Variants in SH3BP4 observed in about 807,000 individuals in gnomAD.
SH3BP4 encodes SH3 domain binding protein 4.
A neutral mutation model predicts 65.5 loss-of-function variants in SH3BP4; 33 were observed. The observed-to-expected ratio is 0.50, with a 90% CI of 0.38 to 0.67. The LOEUF (loss-of-function observed/expected upper bound fraction) is 0.67, where lower values mean the gene tolerates loss of function less well. Ranked by LOEUF, SH3BP4 falls within the 30% of genes least tolerant of loss-of-function variation. The pLI, the probability that SH3BP4 is intolerant of heterozygous loss-of-function variation, is 0.00. For missense variants in SH3BP4, 1,134 were observed against 1,261.4 expected, an observed-to-expected ratio of 0.90 and a Z score of 1.53; for synonymous variants, 552 against 545.5, an observed-to-expected ratio of 1.01 and a Z score of -0.17.
intron 2 of SH3BP4, among the ~76,000 whole-genome samples, chr2:235,025,745 G>A (rs986112258): frequency 6.6e-6 from 1 of 152,254 alleles, no homozygotes; most frequent in Non-Finnish European, 1.5e-5. Context: ...TAGAGATGAT[G>A]ACGGGTGTCC....
intron 2 of SH3BP4, among the ~76,000 whole-genome samples, chr2:235,014,196 A>C (rs951963069): frequency 1.3e-5 from 2 of 152,194 alleles, no homozygotes; most frequent in African/African-American, 4.8e-5. Context: ...GCCTGCCGAC[A>C]TCAGCCTGAT....
At chr2:234,970,619 C>T (rs1039756527) in intron 1 of SH3BP4, among the ~76,000 whole-genome samples, 1 of 152,202 alleles carries the variant, frequency 6.6e-6, no homozygotes, top group African/African-American at 2.4e-5. Context: ...AGAAAGTGAA[C>T]AGTGAGTCAC....
In SH3BP4 at chr2:235,035,089, G is replaced by A. The variant is rs747981129; in HGVS notation, c.87G>A (p.Gly29=). The A allele has an allele frequency of 5.6e-6, 9 of 1,614,098 alleles. No homozygotes were observed. Among genetic ancestry groups the A allele is most frequent in the Non-Finnish European group, 5.1e-6 (6 of 1,179,964 alleles). Residue 29 remains glycine (G), a synonymous_variant, in exon 3 of 6, where the codon GGG becomes GGA. Coordinates refer to ENST00000392011, the MANE Select transcript of SH3BP4 (RefSeq NM_014521.3). This position sits in a 1 kb window ranked among gnomAD's most constrained non-coding sequence, Gnocchi z 5.0. ...GGACCCTGATTGACCTGAGCGAAGGGTTTTCAGAGACGAGCTTTAATGACA... is the reference window on the plus strand; with the variant it reads ...GGACCCTGATTGACCTGAGCGAAGGATTTTCAGAGACGAGCTTTAATGACA... ...SEGTLIDLSE[G]FSETSFNDIK... is the part of the protein sequence containing the mutation.
intron 1 of SH3BP4, among the ~76,000 whole-genome samples, chr2:234,964,752 C>T (rs546415829): frequency 1.2e-4 from 19 of 152,280 alleles, no homozygotes; most frequent in African/African-American, 3.9e-4. Context: ...GTGGCTGGAT[C>T]GGACAGGTCC....
At chr2:235,038,366 A>ATATGT (rs1248934629) in intron 3 of SH3BP4, among the ~76,000 whole-genome samples, 2 of 39,680 alleles carry the variant, frequency 5.0e-5, no homozygotes, top group East Asian at 1.3e-3. Flanking sequence ...ATATATATAT[A>ATATGT]ATATATATAC....
chr2:235,002,898 A>G (rs910024545), intron 2 of SH3BP4, among the ~76,000 whole-genome samples: 14 of 152,236 alleles, frequency 9.2e-5, no homozygotes, highest in South Asian at 4.1e-4. Context: ...GAGTTGCCTG[A>G]CAGCAGCAGA....
intron 1 of SH3BP4, among the ~76,000 whole-genome samples, chr2:234,990,865 C>T (rs1025536701): frequency 3.9e-5 from 6 of 152,146 alleles, no homozygotes; most frequent in Non-Finnish European, 8.8e-5. Context: ...GCCCTTTCTC[C>T]CTTAGCATCT....
intron 4 of SH3BP4, among the ~76,000 whole-genome samples, chr2:235,050,052 TG>T (rs1171364326): frequency 6.6e-6 from 1 of 152,034 alleles, no homozygotes; most frequent in Non-Finnish European, 1.5e-5. Context: ...CTCTGCTTCA[TG>T]GGGGGCTCTG....
At chr2:234,963,654 G>A (rs1434249248) in intron 1 of SH3BP4, among the ~76,000 whole-genome samples, 1 of 152,206 alleles carries the variant, frequency 6.6e-6, no homozygotes, top group Non-Finnish European at 1.5e-5. Flanking sequence ...GTATGTTCTA[G>A]AGTCCAGGAG....
intron 2 of SH3BP4, among the ~76,000 whole-genome samples, chr2:235,019,602 A>G (rs1304273491): frequency 6.6e-6 from 1 of 151,792 alleles, no homozygotes; most frequent in Non-Finnish European, 1.5e-5. Context: ...ACACCTGGCT[A>G]ATTTTTTACT....
Position 235,035,006 on chromosome 2 carries a change from G to A in SH3BP4, c.4G>A (p.Ala2Thr), listed in dbSNP as rs779808206. M[A>T]AQRIRAANSN... ...TACCCGGGAAGCGAGTTTCGAGATG[G>A]CGGCTCAGCGGATCCGAGCGGCCAA... Residue 2 changes from alanine to threonine, a missense_variant, in exon 3 of 6, where the codon GCG (alanine) becomes ACG (threonine). Ala to Thr is a moderately conservative substitution (Grantham distance 58). Coordinates refer to ENST00000392011, the MANE Select transcript of SH3BP4 (RefSeq NM_014521.3). The surrounding 1 kb of genome is among the most constrained non-coding windows in gnomAD (Gnocchi z 5.0). 12 of 1,613,742 alleles carry A rather than the reference G, an allele frequency of 7.4e-6. No homozygotes were observed. Among genetic ancestry groups the A allele is most frequent in the East Asian group, 4.5e-5 (2 of 44,856 alleles).
chr2:235,019,484 T>G (rs1040604981), intron 2 of SH3BP4, among the ~76,000 whole-genome samples: 7 of 148,822 alleles, frequency 4.7e-5, no homozygotes, highest in Admixed American at 2.0e-4. Flanking sequence ...TTGCCCAGGC[T>G]AGAGTGCAAT....
chr2:235,002,108 G>A (rs541805996), intron 2 of SH3BP4, among the ~76,000 whole-genome samples: 6 of 152,226 alleles, frequency 3.9e-5, no homozygotes, highest in South Asian at 2.1e-4. Context: ...CGACCCGCCC[G>A]CCTCGGCCTC....
At chr2:234,996,751 A>G (rs1237424398) in intron 2 of SH3BP4, among the ~76,000 whole-genome samples, 1 of 152,222 alleles carries the variant, frequency 6.6e-6, no homozygotes, top group African/African-American at 2.4e-5. Flanking sequence ...GTCTGTAGAT[A>G]AACTGGAGAG....
At position 235,045,726 on chromosome 2, in the gene SH3BP4, G is replaced by A. The variant is rs974338429; in HGVS notation, c.2478+2479G>A. Among the ~76,000 whole-genome samples, 13 of 151,694 alleles carry A rather than the reference G, an allele frequency of 8.6e-5. No homozygotes were observed. Among genetic ancestry groups the A allele is most frequent in the African/African-American group, 2.4e-4 (10 of 41,352 alleles). On this transcript the variant is annotated intron_variant, in intron 4 of 5. Coordinates refer to ENST00000392011, the MANE Select transcript of SH3BP4 (RefSeq NM_014521.3). This position sits in a 1 kb window ranked among gnomAD's most constrained non-coding sequence, Gnocchi z 4.3. ...CCCTGAAAACTGGCTGTTCTATTCC[G>A]CTTGTCATCACAGGGCTGCCACGAT...
chr2:234,984,200 C>CGTTTGTTT (rs112568346), intron 1 of SH3BP4, among the ~76,000 whole-genome samples: 169 of 152,096 alleles, frequency 1.1e-3, no homozygotes, highest in African/African-American at 4.0e-3. Flanking sequence ...TATGAGTTTT[C>CGTTTGTTT]GTTTGTTTGT....
At position 235,052,522 on chromosome 2, in the gene SH3BP4, TCC is replaced by T; in HGVS notation, c.2479-38_2479-37del. ...CTGCGGGGAGCAGAGCCTGCCCCAC[TCC>T]CTACACTGTCTCACGCTGTGTGCCT... On this transcript the variant is annotated intron_variant, in intron 4 of 5. Transcript: ENST00000392011. The surrounding 1 kb of genome is among the most constrained non-coding windows in gnomAD (Gnocchi z 5.0). 6.8e-7 allele frequency: 1 copy of T among 1,481,236 alleles called. No individual in the cohort carries two copies. The highest frequency in any genetic ancestry group is 9.0e-7 in the Non-Finnish European group (1 of 1,105,460). The allele number at this position is 1,481,236 out of a possible 1,614,324, so 91.8% of individuals were successfully genotyped here. A position where few individuals can be genotyped will look rare whatever the true frequency, so the allele number is the denominator to read the frequency against.
In SH3BP4 at chr2:235,043,110, C is replaced by T; in HGVS notation, c.2341C>T (p.Leu781=). 1 of 1,613,772 alleles carries T rather than the reference C, an allele frequency of 6.2e-7. No individual in the cohort carries two copies. The highest frequency in any genetic ancestry group is 8.5e-7 in the Non-Finnish European group (1 of 1,179,998). ...CGCTGACGCCCTGGGCTACGTGAAC[C>T]TGCCGCTCACCTTTTTCTGCCGGGC... ...SFADALGYVN[L]PLTFFCRAEL... Residue 781 remains leucine (L), a synonymous_variant, in exon 4 of 6, where the codon CTG becomes TTG. Coordinates refer to ENST00000392011, the MANE Select transcript of SH3BP4 (RefSeq NM_014521.3).
chr2:235,031,457 C>T (rs1305017437), intron 2 of SH3BP4, among the ~76,000 whole-genome samples: 1 of 152,232 alleles, frequency 6.6e-6, no homozygotes, highest in African/African-American at 2.4e-5. Context: ...AAGAAAACGA[C>T]ATTGCTGCTT....
Sources: allele counts gnomAD v4.1 joint callset (sites outside exome capture counted in the v4.1 genomes callset), GRCh38; gene constraint gnomAD v4.1.1; non-coding constraint Gnocchi (gnomAD v3.1); transcripts MANE v1.5; gene names NCBI Gene and HGNC (gene_info 2026-07-23, HGNC 2026-07-21).